ANO1: variants seen among roughly 807,000 people sequenced by gnomAD.
ANO1 encodes anoctamin-1.
A neutral mutation model predicts 124.0 loss-of-function variants in ANO1; 59 were observed. The ratio of observed to expected loss-of-function variants is 0.48; its 90% CI spans 0.39 to 0.59. The LOEUF (loss-of-function observed/expected upper bound fraction) is 0.59. Among genes scored for constraint, ANO1 ranks in the 20% least tolerant of loss-of-function variants. ANO1 has a pLI of 0.00. For missense variants in ANO1, 1,059 were observed against 1,328.0 expected (o/e 0.80, Z 3.15); for synonymous variants, 529 against 532.0 (o/e 0.99, Z 0.08).
chr11:70,095,248 A>AAGGAAGG (rs2044803122), intron 2 of ANO1, among the ~76,000 whole-genome samples: 1 of 36,938 alleles, frequency 2.7e-5, no homozygotes, highest in Non-Finnish European at 5.2e-5. Context: ...AAAGAAAAAG[A>AAGGAAGG]AAGGAAGGAA....
At chr11:70,014,533 G>A (rs966360511) in intron 1 of ANO1, among the ~76,000 whole-genome samples, 6 of 152,114 alleles carry the variant, frequency 3.9e-5, no homozygotes, top group East Asian at 1.9e-4. Flanking sequence ...TCCACCACAC[G>A]TGGCCTGCCC....
intron 1 of ANO1, among the ~76,000 whole-genome samples, chr11:70,087,177 G>A (rs1411894078): frequency 1.3e-5 from 2 of 152,126 alleles, no homozygotes; most frequent in Non-Finnish European, 2.9e-5. Flanking sequence ...TATTTATGGG[G>A]TACATGAGAT....
At chr11:70,063,499 G>A (rs992722069) in intron 1 of ANO1, among the ~76,000 whole-genome samples, 4 of 152,114 alleles carry the variant, frequency 2.6e-5, no homozygotes, top group Admixed American at 6.5e-5. Context: ...GCCCTTTGCT[G>A]GGAAGCCGAG....
chr11:69,990,959 T>C (rs1554997396), intron 1 of ANO1, among the ~76,000 whole-genome samples: 1 of 152,232 alleles, frequency 6.6e-6, no homozygotes, highest in African/African-American at 2.4e-5. Flanking sequence ...ACAAAATTTT[T>C]AATTTTCATG....
In ANO1 at chr11:70,177,603, T is replaced by C. The variant is rs1467664769; in HGVS notation, c.2351-2401T>C. 2.3e-3 allele frequency among the ~76,000 whole-genome samples: 321 copies of C among 137,024 alleles called. 1 individual carries two copies. The highest frequency in any genetic ancestry group is 7.2e-3 in the Middle Eastern group (2 of 278). 89.9% of individuals were successfully genotyped at this position (137,024 alleles called of 152,430 possible). A position where few individuals can be genotyped will look rare whatever the true frequency, so the allele number is the denominator to read the frequency against. On this transcript the variant is annotated intron_variant, in intron 22 of 25. Coordinates refer to ENST00000355303, the MANE Select transcript of ANO1 (RefSeq NM_018043.7). Reference sequence around the variant, plus strand: ...CTTTTCTTTTTTTTTTCTTTTTTTTTTTTTTTTTTTTTTTGAGACAGAGCC... The same window carrying C: ...CTTTTCTTTTTTTTTTCTTTTTTTTCTTTTTTTTTTTTTTGAGACAGAGCC...
chr11:70,028,977 T>G (rs1272222697), intron 1 of ANO1, among the ~76,000 whole-genome samples: 1 of 152,150 alleles, frequency 6.6e-6, no homozygotes, highest in Non-Finnish European at 1.5e-5. Flanking sequence ...AGATGGGATT[T>G]CACCATGTTG....
At chr11:70,043,622 T>C (rs114580117) in intron 1 of ANO1, among the ~76,000 whole-genome samples, 8,003 of 152,248 alleles carry the variant, frequency 0.053, 334 homozygotes, top group Admixed American at 0.12. Context: ...GAGTTTGGCA[T>C]GCTTCTCATC....
intron 2 of ANO1, among the ~76,000 whole-genome samples, chr11:70,088,694 G>C (rs2044497010): frequency 6.6e-6 from 1 of 152,180 alleles, no homozygotes; most frequent in Admixed American, 6.5e-5. Flanking sequence ...AGCATCGCCT[G>C]CTTCTGGTCA....
chr11:70,021,681 C>A (rs996481455), intron 1 of ANO1, among the ~76,000 whole-genome samples: 2 of 152,156 alleles, frequency 1.3e-5, no homozygotes, highest in Non-Finnish European at 2.9e-5. Flanking sequence ...GAAATTCCAG[C>A]GGTGACATTT....
At chr11:70,025,667 AATG>A (rs1164681371) in intron 1 of ANO1, among the ~76,000 whole-genome samples, 8 of 110,754 alleles carry the variant, frequency 7.2e-5, no homozygotes, top group African/African-American at 1.8e-4. Context: ...TGATGACAAT[AATG>A]ATGGTGGTGG....
chr11:70,120,713 C>G (rs904533776), intron 8 of ANO1, among the ~76,000 whole-genome samples: 3 of 152,178 alleles, frequency 2.0e-5, no homozygotes, highest in Non-Finnish European at 2.9e-5. Flanking sequence ...GGACATACAC[C>G]AATTAAAGAT....
the ANO1 span, among the ~76,000 whole-genome samples, chr11:69,972,041 C>T: frequency 4.0e-5 from 6 of 149,710 alleles, no homozygotes; most frequent in Admixed American, 6.8e-5. Context: ...CCCAATATGG[C>T]GAAACCCCGG....
At chr11:70,008,950 A>G (rs986269465) in intron 1 of ANO1, among the ~76,000 whole-genome samples, 4 of 152,108 alleles carry the variant, frequency 2.6e-5, no homozygotes, top group Non-Finnish European at 5.9e-5. Context: ...TCTGAATGGG[A>G]AAATGTCGAG....
intron 7 of ANO1, among the ~76,000 whole-genome samples, chr11:70,114,381 A>T (rs1422213867): frequency 6.6e-6 from 1 of 152,180 alleles, no homozygotes; most frequent in Non-Finnish European, 1.5e-5. Flanking sequence ...ATTTGGGGAG[A>T]TGACTGGTTC....
At chr11:70,048,926 G>A (rs1269046794) in intron 1 of ANO1, among the ~76,000 whole-genome samples, 2 of 152,092 alleles carry the variant, frequency 1.3e-5, no homozygotes, top group African/African-American at 4.8e-5. Context: ...CTTGAATGTC[G>A]AGGGCCACGC....
At chr11:70,026,250 CAAT>C (rs1416036910) in intron 1 of ANO1, among the ~76,000 whole-genome samples, 1 of 92,320 alleles carries the variant, frequency 1.1e-5, no homozygotes, top group Non-Finnish European at 2.3e-5. Flanking sequence ...GTGGTGATGA[CAAT>C]GATGATGATG....
At chr11:70,100,577 C>T (rs1006472084) in intron 2 of ANO1, among the ~76,000 whole-genome samples, 1 of 152,156 alleles carries the variant, frequency 6.6e-6, no homozygotes, top group African/African-American at 2.4e-5. Flanking sequence ...CTGTGGACTT[C>T]AGGCCTCCAG....
In ANO1 at chr11:70,126,121, G is replaced by A; in HGVS notation, c.1023G>A (p.Met341Ile). ...YFAWLGVYTQ[M>I]LIPASIVGII... ...CCTGGCTGGGCGTGTACACCCAGAT[G>A]CTCATCCCTGCCTCCATCGTGGGAA... The change falls in exon 10 of 26, where the codon ATG becomes ATA. Residue 341 changes from methionine (M) to isoleucine (I), a missense_variant. Met to Ile is a conservative substitution (Grantham distance 10, BLOSUM62 1). Coordinates refer to ENST00000355303, the MANE Select transcript of ANO1 (RefSeq NM_018043.7). The A allele has an allele frequency of 6.2e-7, 1 of 1,613,720 alleles. No individual in the cohort carries two copies.
intron 1 of ANO1, chr11:69,986,295 C>G (rs1234127479): frequency 6.6e-6 from 1 of 152,296 alleles, no homozygotes; most frequent in Non-Finnish European, 1.5e-5. Flanking sequence ...GGGACCCCCA[C>G]CTCTGGTGGC....
Sources: allele counts gnomAD v4.1 joint callset (sites outside exome capture counted in the v4.1 genomes callset), GRCh38; gene constraint gnomAD v4.1.1; transcripts MANE v1.5; gene names NCBI Gene and HGNC (gene_info 2026-07-23, HGNC 2026-07-21).